SUMF1: variants seen among roughly 807,000 people sequenced by gnomAD.
SUMF1 encodes formylglycine-generating enzyme.
Under a neutral mutation model 47.6 loss-of-function variants are expected in SUMF1, and 48 were observed. The ratio of observed to expected loss-of-function variants is 1.01; its 90% CI spans 0.80 to 1.28. The LOEUF (loss-of-function observed/expected upper bound fraction) is 1.28. Among genes scored for constraint, SUMF1 ranks in the 50% most tolerant of loss-of-function variants. SUMF1 has a pLI of 0.00. For missense variants in SUMF1, 571 were observed against 485.4 expected (o/e 1.18, Z -1.66); for synonymous variants, 230 against 192.1 (o/e 1.20, Z -1.63).
chr3:4,428,812 AT>A (rs1702146739), intron 3 of SUMF1, among the ~76,000 whole-genome samples: 1 of 152,220 alleles, frequency 6.6e-6, no homozygotes, highest in African/African-American at 2.4e-5. Context: ...AATTACTTAT[AT>A]TCATCATTCC....
chr3:4,128,783 G>A (rs2125084737), intron 8 of SUMF1, among the ~76,000 whole-genome samples: 1 of 152,290 alleles, frequency 6.6e-6, no homozygotes, highest in Admixed American at 6.5e-5. Flanking sequence ...TAGTAAGGGT[G>A]TGGGATAATG....
At chr3:4,432,759 C>A (rs755587472) in intron 3 of SUMF1, among the ~76,000 whole-genome samples, 2 of 152,196 alleles carry the variant, frequency 1.3e-5, no homozygotes, top group Non-Finnish European at 2.9e-5. Context: ...AGAGTCTGTT[C>A]CTTATTAGAA....
intron 8 of SUMF1, among the ~76,000 whole-genome samples, chr3:4,071,262 A>C (rs146389455): frequency 6.6e-6 from 1 of 152,070 alleles, no homozygotes; most frequent in Admixed American, 6.5e-5. Flanking sequence ...CTGCATTTCC[A>C]ACTGAGGAAC....
chr3:4,211,825 C>T (rs1165317684), intron 8 of SUMF1, among the ~76,000 whole-genome samples: 1 of 152,156 alleles, frequency 6.6e-6, no homozygotes, highest in Admixed American at 6.5e-5. Flanking sequence ...CCAGGAAGTT[C>T]GAACTGGGAG....
At position 4,432,717 on chromosome 3, in the gene SUMF1, G is replaced by A. The variant is rs1273752165; in HGVS notation, c.520-12571C>T. Among the ~76,000 whole-genome samples, 6 of 152,134 alleles carry A rather than the reference G, an allele frequency of 3.9e-5. No homozygotes were observed. The South Asian group carries it at 6.2e-4, about 16-fold the overall frequency. On this transcript the variant is annotated intron_variant, in intron 3 of 8. Transcript: ENST00000272902. ...TTCTGTTTTATTTGAATCGCAGTCC[G>A]TCATCACAGTCAGTTATAAATTTAC... is the stretch of plus-strand genomic sequence containing the variant.
chr3:4,416,237 T>C (rs1178106828), intron 6 of SUMF1, among the ~76,000 whole-genome samples: 1 of 152,154 alleles, frequency 6.6e-6, no homozygotes, highest in Non-Finnish European at 1.5e-5. Flanking sequence ...CTGCTGGGAA[T>C]CTAATCTATC....
intron 8 of SUMF1, among the ~76,000 whole-genome samples, chr3:4,255,706 C>T (rs1221950351): frequency 2.9e-5 from 4 of 137,564 alleles, no homozygotes; most frequent in Admixed American, 7.2e-5. Flanking sequence ...GACAGATCAA[C>T]GAGACAGAAA....
At chr3:4,321,470 T>TAAAAAA (rs1206478992) in intron 8 of SUMF1, among the ~76,000 whole-genome samples, 1,090 of 61,570 alleles carry the variant, frequency 0.018, no homozygotes, top group Middle Eastern at 0.045. Context: ...AAGGAAATGC[T>TAAAAAA]AAAAAAAAAA....
chr3:4,316,815 C>A (rs1473631409), intron 8 of SUMF1: 2 of 1,550,642 alleles, frequency 1.3e-6, no homozygotes, highest in East Asian at 4.9e-5. Flanking sequence ...TGCTGCTGGT[C>A]TGATCCACTA....
chr3:4,271,809 T>C lies in SUMF1; in HGVS notation c.1014+104521A>G, dbSNP rs187885450. On this transcript the variant is annotated intron_variant and NMD_transcript_variant, in intron 8 of 12. Coordinates refer to the SUMF1 transcript ENST00000448413. ...GAGCCAACCTGGTCTATGCCATCAA[T>C]TTAAACATTAATTAAAAACTAAAAT... 1.2e-3 allele frequency among the ~76,000 whole-genome samples: 186 copies of C among 152,120 alleles called. 1 individual carries two copies. The highest frequency in any genetic ancestry group is 2.0e-3 in the Non-Finnish European group (139 of 67,896).
chr3:4,088,558 A>C (rs1692720969), intron 8 of SUMF1, among the ~76,000 whole-genome samples: 2 of 151,974 alleles, frequency 1.3e-5, no homozygotes, highest in Admixed American at 1.3e-4. Flanking sequence ...TGTCTATAAT[A>C]TTTATCACTA....
chr3:4,319,142 T>A (rs13080693), intron 8 of SUMF1, among the ~76,000 whole-genome samples: 2 of 152,086 alleles, frequency 1.3e-5, no homozygotes, highest in Non-Finnish European at 2.9e-5. Context: ...CAACAGGAAC[T>A]CTTCATTGTT....
At chr3:4,415,540 C>T (rs1013728400) in intron 6 of SUMF1, among the ~76,000 whole-genome samples, 21 of 152,072 alleles carry the variant, frequency 1.4e-4, no homozygotes, top group Admixed American at 2.0e-4. Flanking sequence ...GGGCCAGGTG[C>T]GGTGGCTCAT....
chr3:4,313,673 C>G, intron 8 of SUMF1: 1 of 1,613,970 alleles, frequency 6.2e-7, no homozygotes, highest in Non-Finnish European at 8.5e-7. Context: ...GTAGAAAAGT[C>G]GAACATCAGT....
chr3:4,320,011 ATAGG>A (rs1698791981), intron 8 of SUMF1, among the ~76,000 whole-genome samples: 1 of 152,226 alleles, frequency 6.6e-6, no homozygotes, highest in Non-Finnish European at 1.5e-5. Context: ...GGAGGAATGA[ATAGG>A]TGAAGCACAG....
At chr3:4,229,264 A>G (rs965037054) in intron 8 of SUMF1, 1 of 336,926 alleles carries the variant, frequency 3.0e-6, no homozygotes, top group South Asian at 2.4e-5. Context: ...CACCCGGACA[A>G]TCATCCTCCT....
At chr3:4,118,792 C>A (rs186703268) in intron 8 of SUMF1, among the ~76,000 whole-genome samples, 8 of 152,074 alleles carry the variant, frequency 5.3e-5, no homozygotes, top group African/African-American at 1.9e-4. Context: ...TTCTCTTTCT[C>A]CAAGAGCTCA....
intron 8 of SUMF1, among the ~76,000 whole-genome samples, chr3:4,240,747 T>G (rs1481318910): frequency 6.6e-6 from 1 of 151,944 alleles, no homozygotes; most frequent in Non-Finnish European, 1.5e-5. Flanking sequence ...ATTTTTTACT[T>G]TCCTGGAAGA....
chr3:4,209,706 C>CTA (rs1695737389), intron 8 of SUMF1, among the ~76,000 whole-genome samples: 2 of 152,134 alleles, frequency 1.3e-5, no homozygotes, highest in Admixed American at 1.3e-4. Context: ...TCAAAATCAA[C>CTA]TATATGCTAA....
Sources: allele counts gnomAD v4.1 joint callset (sites outside exome capture counted in the v4.1 genomes callset), GRCh38; gene constraint gnomAD v4.1.1; transcripts MANE v1.5; gene names NCBI Gene and HGNC (gene_info 2026-07-23, HGNC 2026-07-21).